MYO16: variants seen among roughly 807,000 people sequenced by gnomAD.
MYO16 encodes the protein unconventional myosin-XVI.
A neutral mutation model predicts 205.3 loss-of-function variants in MYO16; 94 were observed. That is an observed-to-expected ratio of 0.46 (90% CI 0.39 to 0.54). The LOEUF (loss-of-function observed/expected upper bound fraction) is 0.54. Ranked by LOEUF, MYO16 falls within the 20% of genes least tolerant of loss-of-function variation. The pLI is 0.00. For synonymous variants in MYO16, 988 were observed against 954.0 expected (o/e 1.04, Z -0.66); for missense variants, 2,315 against 2,387.5 (o/e 0.97, Z 0.63).
intron 5 of MYO16, among the ~76,000 whole-genome samples, chr13:108,791,581 G>A (rs1007504977): frequency 6.6e-6 from 1 of 152,176 alleles, no homozygotes; most frequent in African/African-American, 2.4e-5. Flanking sequence ...GGCACAAGTA[G>A]TCATTGATAC....
intron 27 of MYO16, among the ~76,000 whole-genome samples, chr13:109,068,284 C>T (rs1289222084): frequency 6.6e-6 from 1 of 152,152 alleles, no homozygotes; most frequent in Admixed American, 6.5e-5. Context: ...GTTTTCTTCC[C>T]TAGATTAACG....
intron 23 of MYO16, among the ~76,000 whole-genome samples, chr13:109,028,079 A>C (rs1161516204): frequency 6.6e-6 from 1 of 152,094 alleles, no homozygotes; most frequent in Non-Finnish European, 1.5e-5. Flanking sequence ...TTTTATATAC[A>C]TGCGGTTACT....
At chr13:108,987,376 A>G (rs1194672078) in intron 20 of MYO16, among the ~76,000 whole-genome samples, 1 of 152,196 alleles carries the variant, frequency 6.6e-6, no homozygotes, top group Non-Finnish European at 1.5e-5. Flanking sequence ...CTAGAGTCCC[A>G]CTTCTTCCCC....
At chr13:108,978,455 A>C (rs1884346355) in intron 20 of MYO16, among the ~76,000 whole-genome samples, 1 of 151,982 alleles carries the variant, frequency 6.6e-6, no homozygotes, top group Admixed American at 6.6e-5. Context: ...AATATTTTCT[A>C]ATGGTTTTCT....
At chr13:108,933,639 G>GT (rs968869113) in intron 16 of MYO16, among the ~76,000 whole-genome samples, 2 of 151,858 alleles carry the variant, frequency 1.3e-5, no homozygotes, top group Non-Finnish European at 2.9e-5. Context: ...ACCTGTGCAG[G>GT]TTTTTTTATC....
chr13:108,792,275 T>C (rs1281092153), intron 5 of MYO16, among the ~76,000 whole-genome samples: 1 of 152,200 alleles, frequency 6.6e-6, no homozygotes, highest in African/African-American at 2.4e-5. Context: ...ACATTAGTAG[T>C]CATGAAATGT....
intron 7 of MYO16, among the ~76,000 whole-genome samples, chr13:108,813,520 A>T: frequency 6.6e-6 from 1 of 152,178 alleles, no homozygotes; most frequent in East Asian, 1.9e-4. Context: ...TTAACTTTTT[A>T]AAGAGATACT....
intron 16 of MYO16, among the ~76,000 whole-genome samples, chr13:108,915,004 A>T (rs1881427370): frequency 6.6e-6 from 1 of 152,228 alleles, no homozygotes; most frequent in African/African-American, 2.4e-5. Flanking sequence ...CTGTTTTTAG[A>T]ACTAAAAATG....
chr13:108,653,875 T>C (rs1159930282), intron 1 of MYO16, among the ~76,000 whole-genome samples: 1 of 151,992 alleles, frequency 6.6e-6, no homozygotes, highest in African/African-American at 2.4e-5. Flanking sequence ...CACATTCCTA[T>C]GTATTGAGAC....
intron 11 of MYO16, among the ~76,000 whole-genome samples, chr13:108,862,552 G>A (rs532068874): frequency 6.6e-6 from 1 of 152,202 alleles, no homozygotes; most frequent in Non-Finnish European, 1.5e-5. Flanking sequence ...CAGGGAGTGG[G>A]TGCATTTCTA....
intron 4 of MYO16, among the ~76,000 whole-genome samples, chr13:108,731,907 T>C (rs185149120): frequency 1.3e-5 from 2 of 152,300 alleles, no homozygotes; most frequent in East Asian, 1.9e-4. Context: ...AAACAAACAA[T>C]GCAATTAATC....
chr13:108,988,428 A>C (rs1884712038), intron 20 of MYO16, among the ~76,000 whole-genome samples: 1 of 151,762 alleles, frequency 6.6e-6, no homozygotes, highest in South Asian at 2.1e-4. Context: ...TTCTCCTGAC[A>C]ATGGAATTTT....
the MYO16 span, among the ~76,000 whole-genome samples, chr13:108,500,054 C>A: frequency 6.6e-6 from 1 of 151,696 alleles, no homozygotes; most frequent in Non-Finnish European, 1.5e-5. Context: ...CTCTCCTGCA[C>A]CTCTTGGTGG....
chr13:108,701,958 CA>C (rs1429733435), intron 2 of MYO16, among the ~76,000 whole-genome samples: 3 of 150,840 alleles, frequency 2.0e-5, no homozygotes, highest in African/African-American at 7.3e-5. Context: ...TTTAAGCTGG[CA>C]AAACAAGCAG....
At chr13:108,887,382 T>A (rs9521083) in intron 13 of MYO16, among the ~76,000 whole-genome samples, 113,642 of 152,070 alleles carry the variant, frequency 0.75, 42,690 homozygotes, top group East Asian at 0.97. Flanking sequence ...CCAAGGAAGC[T>A]CTCCTAAAAG....
chr13:109,024,353 G>A (rs1416722752), intron 23 of MYO16, among the ~76,000 whole-genome samples: 1 of 151,932 alleles, frequency 6.6e-6, no homozygotes, highest in East Asian at 1.9e-4. Flanking sequence ...TGTACTTGAT[G>A]TGCCTTCTGA....
intron 1 of MYO16, among the ~76,000 whole-genome samples, chr13:108,599,369 G>A (rs34442131): frequency 0.26 from 38,159 of 144,768 alleles, 5,220 homozygotes; most frequent in Middle Eastern, 0.33. Context: ...TAATGGGATG[G>A]CTGGGTCGAA....
intron 2 of MYO16, among the ~76,000 whole-genome samples, chr13:108,689,445 G>A (rs1033660804): frequency 7.9e-5 from 12 of 151,940 alleles, no homozygotes; most frequent in African/African-American, 2.7e-4. Flanking sequence ...ACTAATAATT[G>A]TAAAGGAACC....
intron 5 of MYO16, among the ~76,000 whole-genome samples, chr13:108,789,727 G>A (rs1886560740): frequency 6.6e-6 from 1 of 152,056 alleles, no homozygotes. Flanking sequence ...AAAAATTTGG[G>A]TTAGTGGCAG....
Sources: allele counts gnomAD v4.1 joint callset (sites outside exome capture counted in the v4.1 genomes callset), GRCh38; gene constraint gnomAD v4.1.1; transcripts MANE v1.5; gene names NCBI Gene and HGNC (gene_info 2026-07-23, HGNC 2026-07-21).